The following LIMS1 variants were observed in gnomAD, a reference collection of about 807,000 sequenced individuals.
The protein encoded by LIMS1 is LIM zinc finger domain containing 1, also known as LIM and senescent cell antigen-like-containing domain protein 1.
A neutral mutation model predicts 44.1 loss-of-function variants in LIMS1; 18 were observed. The observed-to-expected ratio is 0.41, with a 90% CI of 0.28 to 0.61. The LOEUF (loss-of-function observed/expected upper bound fraction) is 0.61. LIMS1 is among the 20% of genes least tolerant of loss of function. The pLI is 0.32. For missense variants in LIMS1, 201 were observed against 422.0 expected (o/e 0.48, Z 4.59); for synonymous variants, 93 against 149.1 (o/e 0.62, Z 2.74).
At chr2:108,602,756 A>G (rs767918280) in intron 1 of LIMS1, among the ~76,000 whole-genome samples, 3 of 151,940 alleles carry the variant, frequency 2.0e-5, no homozygotes, top group Non-Finnish European at 4.4e-5. Context: ...ATTGACCTGT[A>G]GTTTTCTTTT....
intron 2 of LIMS1, among the ~76,000 whole-genome samples, chr2:108,666,176 C>A (rs1482667078): frequency 6.6e-6 from 1 of 152,214 alleles, no homozygotes; most frequent in African/African-American, 2.4e-5. Flanking sequence ...CAACTGAAAG[C>A]CCCAGATTGC....
chr2:108,556,938 T>C (rs144145451), intron 1 of LIMS1, among the ~76,000 whole-genome samples: 1 of 152,350 alleles, frequency 6.6e-6, no homozygotes, highest in Non-Finnish European at 1.5e-5. Flanking sequence ...AGCTCAGGGC[T>C]GCCTTTGCTC....
chr2:108,564,188 G>A (rs767602175), intron 1 of LIMS1, among the ~76,000 whole-genome samples: 7 of 152,122 alleles, frequency 4.6e-5, no homozygotes, highest in Non-Finnish European at 1.0e-4. Flanking sequence ...CCCTGCAAAA[G>A]ATAATGACTC....
rs1312099478 is a variant in LIMS1, at chr2:108,612,352, C to T, written c.33-47253C>T. Among the ~76,000 whole-genome samples, 3 of 152,230 alleles carry T rather than the reference C, an allele frequency of 2.0e-5. No individual in the cohort carries two copies. The East Asian group carries it at 5.8e-4, about 29-fold the overall frequency. On this transcript the variant is annotated intron_variant, in intron 1 of 9. Coordinates refer to ENST00000544547, the Ensembl canonical transcript of LIMS1. ...TGGTCACACATCATCAGTGCCTCTT[C>T]ATACACCCACGCTCTCCTGAAGTTT...
chr2:108,638,760 C>T (rs1689453465), intron 1 of LIMS1, among the ~76,000 whole-genome samples: 1 of 147,846 alleles, frequency 6.8e-6, no homozygotes, highest in Non-Finnish European at 1.5e-5. Context: ...AAACTAAGCA[C>T]AGGCTGGGCA....
chr2:108,569,764 C>CTTTTTTTTTTTTTTTTT (rs10596766), intron 1 of LIMS1, among the ~76,000 whole-genome samples: 13 of 113,124 alleles, frequency 1.1e-4, no homozygotes, highest in Non-Finnish European at 1.7e-4. Context: ...CCATATCTGG[C>CTTTTTTTTTTTTTTTTT]TTTTTTTTTT....
chr2:108,639,495 C>T (rs987221843), intron 1 of LIMS1, among the ~76,000 whole-genome samples: 14 of 152,356 alleles, frequency 9.2e-5, no homozygotes, highest in Non-Finnish European at 1.8e-4. Context: ...CTCTATCGCC[C>T]AGGCTGGAGC....
chr2:108,552,299 C>T (rs1265227525), intron 1 of LIMS1, among the ~76,000 whole-genome samples: 4 of 127,602 alleles, frequency 3.1e-5, no homozygotes, highest in East Asian at 4.5e-4. Context: ...ATATACTATA[C>T]GTGTAGTATA....
At chr2:108,596,580 T>C (rs1370835682) in intron 1 of LIMS1, among the ~76,000 whole-genome samples, 2 of 152,286 alleles carry the variant, frequency 1.3e-5, no homozygotes, top group Non-Finnish European at 2.9e-5. Flanking sequence ...TCCTAGCACT[T>C]TGGGAGGCCA....
At chr2:108,596,511 C>G (rs1234408461) in intron 1 of LIMS1, among the ~76,000 whole-genome samples, 1 of 152,278 alleles carries the variant, frequency 6.6e-6, no homozygotes, top group East Asian at 1.9e-4. Flanking sequence ...TTTTACTTTC[C>G]CCATTAGGGA....
rs1687731782 is a variant in LIMS1 at position 108,612,871 on chromosome 2, C to G, written c.33-46734C>G. 2.0e-5 allele frequency among the ~76,000 whole-genome samples: 3 copies of G among 152,142 alleles called. No homozygotes were observed. The South Asian group carries it at 6.2e-4, about 32-fold the overall frequency. ...TGCGCCTGTCATGCACCCAGTTTCC[C>G]AGAAGCTTCCGGGGTTAGGTTGTCA... On this transcript the variant is annotated intron_variant, in intron 1 of 9. Transcript: ENST00000544547.
chr2:108,674,508 G>A (rs1425585919), intron 5 of LIMS1, among the ~76,000 whole-genome samples: 4 of 151,632 alleles, frequency 2.6e-5, no homozygotes, highest in African/African-American at 9.7e-5. Flanking sequence ...GGATCACGAG[G>A]TCAGGAGATC....
At chr2:108,539,133 G>A (rs139164052) in intron 1 of LIMS1, among the ~76,000 whole-genome samples, 4,448 of 152,248 alleles carry the variant, frequency 0.029, 145 homozygotes, top group South Asian at 0.14. Context: ...ACCCAGGCTG[G>A]AGTAAAGTGG....
chr2:108,538,718 C>A (rs896088064), intron 1 of LIMS1, among the ~76,000 whole-genome samples: 4 of 152,158 alleles, frequency 2.6e-5, no homozygotes, highest in Admixed American at 2.0e-4. Context: ...GGAAAACATG[C>A]AAAACAAAAT....
chr2:108,552,586 G>GTGTGTGTGTC (rs1684792965), intron 1 of LIMS1, among the ~76,000 whole-genome samples: 1 of 47,326 alleles, frequency 2.1e-5, no homozygotes, highest in African/African-American at 1.2e-4. Context: ...TATATTTTGG[G>GTGTGTGTGTC]TGTGTGTGTG....
intron 1 of LIMS1, among the ~76,000 whole-genome samples, chr2:108,629,703 G>A (rs1688786707): frequency 6.6e-6 from 1 of 152,200 alleles, no homozygotes; most frequent in Admixed American, 6.5e-5. Context: ...CCATTCAGAA[G>A]CTTTAAAGAG....
intron 1 of LIMS1, among the ~76,000 whole-genome samples, chr2:108,567,397 C>T (rs1252766114): frequency 2.0e-5 from 3 of 151,954 alleles, no homozygotes; most frequent in Non-Finnish European, 2.9e-5. Flanking sequence ...CACCTGCAAC[C>T]CTGAACTAGA....
In LIMS1 at chr2:108,592,402, C is replaced by T. The variant is rs186444711; in HGVS notation, c.32+57808C>T. ...GGGAGAAAAGGATACTTTATCAGCC[C>T]AGATGGGACATATAATACAGAATCT... On this transcript the variant is annotated intron_variant, in intron 1 of 9. Transcript: ENST00000544547. Among the ~76,000 whole-genome samples, 8 of 152,184 alleles carry T rather than the reference C, an allele frequency of 5.3e-5. No individual in the cohort carries two copies. In the East Asian group the frequency reaches 1.2e-3, roughly 22 times the overall value.
At chr2:108,576,151 T>C (rs1447446559) in intron 1 of LIMS1, among the ~76,000 whole-genome samples, 6 of 152,212 alleles carry the variant, frequency 3.9e-5, no homozygotes, top group Admixed American at 3.3e-4. Flanking sequence ...TTTGAAGTCT[T>C]TAAGATCATC....
Sources: allele counts gnomAD v4.1 joint callset (sites outside exome capture counted in the v4.1 genomes callset), GRCh38; gene constraint gnomAD v4.1.1; transcripts MANE v1.5; gene names NCBI Gene and HGNC (gene_info 2026-07-23, HGNC 2026-07-21).